Variants in SMG6 observed in about 807,000 individuals in gnomAD.
The protein encoded by SMG6 is telomerase-binding protein EST1A.
Under a neutral mutation model 142.2 loss-of-function variants are expected in SMG6, and 66 were observed. That is an observed-to-expected ratio of 0.46 (90% CI 0.38 to 0.57). The LOEUF is 0.57. SMG6 is among the 20% of genes least tolerant of loss of function. The pLI, the probability that SMG6 is intolerant of heterozygous loss-of-function variation, is 0.00. For synonymous variants in SMG6, 779 were observed against 702.4 expected, an observed-to-expected ratio of 1.11 and a Z score of -1.72; for missense variants, 1,793 against 1,832.0, an observed-to-expected ratio of 0.98 and a Z score of 0.39.
chr17:2,244,288 G>A (rs2073879492), intron 9 of SMG6, among the ~76,000 whole-genome samples: 1 of 152,182 alleles, frequency 6.6e-6, no homozygotes, highest in Non-Finnish European at 1.5e-5. Flanking sequence ...TTCTTCCCAA[G>A]GAGGACCCCC....
intron 10 of SMG6, among the ~76,000 whole-genome samples, chr17:2,236,271 C>G (rs2073648722): frequency 6.6e-6 from 1 of 151,936 alleles, no homozygotes; most frequent in Non-Finnish European, 1.5e-5. Flanking sequence ...AAGCTCTATA[C>G]CCATGATTCC....
rs147730877 is a variant in SMG6 at position 2,218,749 on chromosome 17, C to CA, written c.2869+17742dup. On this transcript the variant is annotated intron_variant, in intron 10 of 18. Coordinates refer to ENST00000263073, the MANE Select transcript of SMG6 (RefSeq NM_017575.5). ...CATGATGACTCCAAACTTACTCACT[C>CA]AGAGTGATGTATAAAAATAAGCTAG... is the stretch of plus-strand genomic sequence containing the variant. Among the ~76,000 whole-genome samples the CA allele has an allele frequency of 2.3e-3, 346 of 152,194 alleles. 4 individuals are homozygous for CA. Among genetic ancestry groups the CA allele is most frequent in the African/African-American group, 8.1e-3 (335 of 41,528 alleles).
intron 13 of SMG6, among the ~76,000 whole-genome samples, chr17:2,107,338 T>C (rs1187925596): frequency 1.3e-5 from 2 of 152,174 alleles, no homozygotes; most frequent in East Asian, 1.9e-4. Context: ...TCATTTCCTG[T>C]TGGGTTTCCA....
At chr17:2,162,857 G>C (rs973099970) in intron 13 of SMG6, among the ~76,000 whole-genome samples, 8 of 151,778 alleles carry the variant, frequency 5.3e-5, no homozygotes, top group African/African-American at 1.9e-4. Context: ...TTTGAGAAAG[G>C]GTCTCCCTCT....
intron 10 of SMG6, among the ~76,000 whole-genome samples, chr17:2,200,741 G>A (rs780213145): frequency 7.2e-5 from 11 of 151,994 alleles, no homozygotes; most frequent in Non-Finnish European, 1.3e-4. Context: ...ACAGGCTCTC[G>A]CTCTGTTGCC....
intron 13 of SMG6, among the ~76,000 whole-genome samples, chr17:2,172,118 G>C (rs1157453976): frequency 6.6e-6 from 1 of 152,180 alleles, no homozygotes; most frequent in Non-Finnish European, 1.5e-5. Context: ...AAACGTTCAG[G>C]TTAAAACGCA....
chr17:2,266,586 T>G (rs975974704), intron 8 of SMG6, among the ~76,000 whole-genome samples: 2 of 152,210 alleles, frequency 1.3e-5, no homozygotes, highest in African/African-American at 4.8e-5. Flanking sequence ...ATGAAGAGTG[T>G]GGTTTTGGTG....
chr17:2,069,103 C>A (rs2068028610), intron 15 of SMG6, among the ~76,000 whole-genome samples, 172 bp from the exon 16 acceptor site: 1 of 152,146 alleles, frequency 6.6e-6, no homozygotes, highest in Non-Finnish European at 1.5e-5. Flanking sequence ...CTGAGCATAG[C>A]ACTGCAATAA....
At chr17:2,238,822 T>C (rs1386686555) in intron 9 of SMG6, among the ~76,000 whole-genome samples, 1 of 152,196 alleles carries the variant, frequency 6.6e-6, no homozygotes, top group Non-Finnish European at 1.5e-5. Context: ...ATAAAAAGTT[T>C]TTTAAAAAAA....
At chr17:2,250,823 C>G (rs964250278) in intron 8 of SMG6, among the ~76,000 whole-genome samples, 5 of 152,144 alleles carry the variant, frequency 3.3e-5, no homozygotes, top group Admixed American at 3.3e-4. Flanking sequence ...AGCATTCAAT[C>G]AAAGCCCACT....
intron 13 of SMG6, among the ~76,000 whole-genome samples, chr17:2,146,364 G>A (rs1211927789): frequency 6.6e-6 from 1 of 152,198 alleles, no homozygotes; most frequent in Non-Finnish European, 1.5e-5. Flanking sequence ...CCCTAGTTCA[G>A]AGGAGGCAAC....
rs1170298180 is a variant in SMG6, at chr17:2,060,934, C to G, written c.*558G>C. ...GCCCAGGGCTGCTGTTAGGGACATGCTGTCTAGAAGCCGACTTGGGTTCAT... is the reference window on the plus strand; with the variant it reads ...GCCCAGGGCTGCTGTTAGGGACATGGTGTCTAGAAGCCGACTTGGGTTCAT... On this transcript the variant is annotated 3_prime_UTR_variant, in exon 19 of 19. Coordinates refer to ENST00000263073, the MANE Select transcript of SMG6 (RefSeq NM_017575.5). The G allele has an allele frequency of 2.6e-5, 4 of 153,662 alleles. No homozygotes were observed. Among genetic ancestry groups the G allele is most frequent in the Non-Finnish European group, 4.3e-5 (3 of 69,090 alleles). 9.5% of individuals were successfully genotyped at this position (153,662 alleles called of 1,614,324 possible). A position where few individuals can be genotyped will look rare whatever the true frequency, so the allele number is the denominator to read the frequency against.
chr17:2,091,673 C>CA (rs1395599118), intron 13 of SMG6, among the ~76,000 whole-genome samples: 3 of 140,366 alleles, frequency 2.1e-5, no homozygotes. Context: ...AGTCTTTTTG[C>CA]TTTTTTTTTT....
At chr17:2,218,246 A>T (rs972472395) in intron 10 of SMG6, among the ~76,000 whole-genome samples, 7 of 151,918 alleles carry the variant, frequency 4.6e-5, no homozygotes, top group African/African-American at 1.7e-4. Context: ...ATTCGTTAGT[A>T]AAAAAATAAG....
intron 4 of SMG6, among the ~76,000 whole-genome samples, chr17:2,295,642 C>T (rs1027478727): frequency 1.6e-4 from 25 of 152,198 alleles, no homozygotes; most frequent in Middle Eastern, 3.4e-3. Context: ...ATGTAACCCC[C>T]GTTTCTGGCC....
chr17:2,106,360 A>G (rs1173126104), intron 13 of SMG6, among the ~76,000 whole-genome samples: 1 of 152,112 alleles, frequency 6.6e-6, no homozygotes, highest in East Asian at 1.9e-4. Flanking sequence ...ATAAGCCACC[A>G]ACGTGCCTTT....
chr17:2,180,220 C>G (rs2071764557), intron 12 of SMG6, among the ~76,000 whole-genome samples: 2 of 152,172 alleles, frequency 1.3e-5, no homozygotes, highest in Non-Finnish European at 2.9e-5. Context: ...TGGATGGGAA[C>G]ACAAACTATG....
intron 8 of SMG6, among the ~76,000 whole-genome samples, chr17:2,261,724 A>T (rs1231852813): frequency 2.0e-5 from 3 of 152,206 alleles, no homozygotes; most frequent in African/African-American, 4.8e-5. Context: ...GAAAGAGATT[A>T]AAAAATCTGT....
In SMG6 at chr17:2,258,024, A is replaced by T. The variant is rs1357678770; in HGVS notation, c.2662-13305T>A. 3.6e-3 allele frequency among the ~76,000 whole-genome samples: 208 copies of T among 57,646 alleles called. 5 individuals are homozygous for T. Among genetic ancestry groups the T allele is most frequent in the East Asian group, 0.019 (27 of 1,430 alleles). The allele number at this position is 57,646 out of a possible 152,430, so 37.8% of individuals were successfully genotyped here. The stretch of plus-strand genomic sequence containing the variant: ...ACTCTGTCGCAAAAAAAAAAAAAAA[A>T]AAAAAAAAAAATATACACACACACA... On this transcript the variant is annotated intron_variant, in intron 8 of 18. Transcript: ENST00000263073.
Sources: allele counts gnomAD v4.1 joint callset (sites outside exome capture counted in the v4.1 genomes callset), GRCh38; gene constraint gnomAD v4.1.1; transcripts MANE v1.5; gene names NCBI Gene and HGNC (gene_info 2026-07-23, HGNC 2026-07-21).